SORBS2: variants seen among roughly 807,000 people sequenced by gnomAD.
SORBS2 encodes the protein sorbin and SH3 domain containing 2.
In SORBS2, 46 loss-of-function variants were observed where a neutral mutation model predicts 97.7. The observed-to-expected ratio is 0.47, with a 90% confidence interval of 0.37 to 0.60. The LOEUF (loss-of-function observed/expected upper bound fraction) is 0.60. SORBS2 is among the 20% of genes least tolerant of loss of function. The pLI is 0.00. For synonymous variants in SORBS2, 476 were observed against 473.4 expected, an observed-to-expected ratio of 1.01 and a Z score of -0.07; for missense variants, 1,316 against 1,282.3, an observed-to-expected ratio of 1.03 and a Z score of -0.40.
intron 1 of SORBS2, among the ~76,000 whole-genome samples, chr4:185,867,315 G>T (rs1335302281): frequency 1.3e-5 from 2 of 152,116 alleles, no homozygotes; most frequent in Non-Finnish European, 2.9e-5. Context: ...TGGCCAGAAG[G>T]TTTATTTTAA....
intron 2 of SORBS2, among the ~76,000 whole-genome samples, chr4:185,755,517 C>A (rs1055867386): frequency 6.6e-6 from 1 of 152,216 alleles, no homozygotes; most frequent in African/African-American, 2.4e-5. Context: ...TCATAAAATA[C>A]ACAACTTGAA....
intron 1 of SORBS2, chr4:185,656,514 C>CA (rs1343554730): frequency 4.2e-6 from 3 of 710,092 alleles, no homozygotes; most frequent in Non-Finnish European, 6.8e-6. Flanking sequence ...CCCAGGTCTG[C>CA]ATTCCAGGGG....
intron 12 of SORBS2, among the ~76,000 whole-genome samples, chr4:185,602,889 G>T (rs540578986): frequency 6.6e-6 from 1 of 152,014 alleles, no homozygotes; most frequent in African/African-American, 2.4e-5. Context: ...GATTTATAAG[G>T]TTTAAAAAAA....
intron 4 of SORBS2, among the ~76,000 whole-genome samples, chr4:185,672,286 T>C (rs963210155): frequency 5.9e-5 from 9 of 152,374 alleles, no homozygotes; most frequent in African/African-American, 1.2e-4. Flanking sequence ...CCCCAGCATA[T>C]GTGCAGTGGC....
At chr4:185,728,232 C>T (rs186331375) in intron 2 of SORBS2, among the ~76,000 whole-genome samples, 59 of 152,170 alleles carry the variant, frequency 3.9e-4, no homozygotes, top group Admixed American at 1.6e-3. Context: ...CACTGAGTAG[C>T]GTGCTGGACA....
At chr4:185,590,634 C>T (rs952354727) in intron 13 of SORBS2, among the ~76,000 whole-genome samples, 2 of 152,060 alleles carry the variant, frequency 1.3e-5, no homozygotes, top group Non-Finnish European at 2.9e-5. Context: ...TTTCCTTTCC[C>T]GGCCTGAATT....
chr4:185,662,141 G>T, exon 5 of SORBS2: 1 of 1,614,188 alleles, frequency 6.2e-7, no homozygotes, highest in Non-Finnish European at 8.5e-7. Context: ...TGCTGGAGTT[G>T]AGTGAGGCTG....
At chr4:185,704,298 C>A (rs1239724157) in intron 2 of SORBS2, among the ~76,000 whole-genome samples, 3 of 152,080 alleles carry the variant, frequency 2.0e-5, no homozygotes, top group Non-Finnish European at 4.4e-5. Context: ...TGCTATCATT[C>A]ATTCATTATT....
chr4:185,820,294 G>A (rs2099195962), intron 1 of SORBS2, among the ~76,000 whole-genome samples: 2 of 152,226 alleles, frequency 1.3e-5, no homozygotes, highest in Non-Finnish European at 2.9e-5. Flanking sequence ...TGGACAGCGC[G>A]GCGCTGTGTG....
chr4:185,921,559 A>T (rs2099260927), intron 1 of SORBS2, among the ~76,000 whole-genome samples: 1 of 152,216 alleles, frequency 6.6e-6, no homozygotes, highest in Admixed American at 6.5e-5. Flanking sequence ...ATTTTAATTG[A>T]TCAGGAGTTC....
chr4:185,751,756 A>G (rs1413362636), intron 2 of SORBS2, among the ~76,000 whole-genome samples: 3 of 152,182 alleles, frequency 2.0e-5, no homozygotes, highest in Non-Finnish European at 4.4e-5. Context: ...TCCACAGGAG[A>G]AGCTTCTGCA....
At chr4:185,936,779 T>C (rs962335293) in intron 1 of SORBS2, among the ~76,000 whole-genome samples, 1 of 152,198 alleles carries the variant, frequency 6.6e-6, no homozygotes, top group Non-Finnish European at 1.5e-5. Context: ...CCTTTCCGTC[T>C]GCTTCTAAGA....
intron 4 of SORBS2, chr4:185,677,479 T>G: frequency 6.4e-7 from 1 of 1,551,986 alleles, no homozygotes; most frequent in Non-Finnish European, 8.7e-7. Context: ...GAATCTTCAT[T>G]GGAATACATA....
chr4:185,690,849 G>A (rs1191713464), intron 2 of SORBS2, among the ~76,000 whole-genome samples: 1 of 151,922 alleles, frequency 6.6e-6, no homozygotes, highest in Non-Finnish European at 1.5e-5. Context: ...TTGTTTAATG[G>A]TGAGCATTAA....
intron 1 of SORBS2, among the ~76,000 whole-genome samples, chr4:185,875,099 A>G (rs1425037570): frequency 6.6e-6 from 1 of 152,102 alleles, no homozygotes; most frequent in African/African-American, 2.4e-5. Context: ...GTTTTATAGA[A>G]CATCCAAATC....
chr4:185,762,843 CA>C (rs1343727759), intron 2 of SORBS2, among the ~76,000 whole-genome samples: 1 of 152,126 alleles, frequency 6.6e-6, no homozygotes, highest in Non-Finnish European at 1.5e-5. Flanking sequence ...CATGGCATCC[CA>C]AAATACACCA....
At chr4:185,820,617 C>A (rs1159934388) in intron 1 of SORBS2, among the ~76,000 whole-genome samples, 1 of 152,200 alleles carries the variant, frequency 6.6e-6, no homozygotes, top group Non-Finnish European at 1.5e-5. Context: ...GGACACCTTG[C>A]CTGCGGGGAA....
At chr4:185,886,220 T>C (rs2149789753) in intron 1 of SORBS2, among the ~76,000 whole-genome samples, 1 of 152,044 alleles carries the variant, frequency 6.6e-6, no homozygotes, top group East Asian at 1.9e-4. Flanking sequence ...AAATGTGAGG[T>C]GGGCGGCAGA....
intron 1 of SORBS2, among the ~76,000 whole-genome samples, chr4:185,888,765 G>A (rs888926500): frequency 3.3e-5 from 5 of 152,204 alleles, no homozygotes; most frequent in East Asian, 1.9e-4. Flanking sequence ...ACCCCAACCC[G>A]CATGACTGGG....
Sources: gnomAD v4.1 joint callset for allele counts (sites outside exome capture counted in the v4.1 genomes callset) on GRCh38, gnomAD v4.1.1 for gene constraint, MANE v1.5 for transcripts, NCBI Gene and HGNC (gene_info 2026-07-23, HGNC 2026-07-21) for gene names.